ARHGAP24: variants seen among roughly 807,000 people sequenced by gnomAD.
ARHGAP24 encodes the protein rho GTPase-activating protein 24.
ARHGAP24 carries 50 observed loss-of-function variants against 76.4 expected under a neutral mutation model. The ratio of observed to expected loss-of-function variants is 0.65; its 90% CI spans 0.52 to 0.83. ARHGAP24 has a LOEUF of 0.83. Among genes scored for constraint, ARHGAP24 ranks in the 40% least tolerant of loss-of-function variants. The probability of loss-of-function intolerance (pLI) is 0.00; values close to 1 mark genes in which losing one functional copy is unlikely to be tolerated. For missense variants in ARHGAP24, 930 were observed against 914.2 expected (o/e 1.02, Z -0.22); for synonymous variants, 345 against 323.3 (o/e 1.07, Z -0.72).
intron 3 of ARHGAP24, among the ~76,000 whole-genome samples, chr4:85,829,652 T>C (rs1378944777): frequency 6.6e-6 from 1 of 152,248 alleles, no homozygotes; most frequent in Non-Finnish European, 1.5e-5. Context: ...CTTTTCATGA[T>C]GTAAAATTTG....
At chr4:85,496,043 G>C (rs1723569601) in intron 1 of ARHGAP24, among the ~76,000 whole-genome samples, 1 of 152,208 alleles carries the variant, frequency 6.6e-6, no homozygotes, top group African/African-American at 2.4e-5. Flanking sequence ...ATCATAAATA[G>C]AATAGCGAAC....
intron 2 of ARHGAP24, among the ~76,000 whole-genome samples, chr4:85,711,424 T>C (rs1160893619): frequency 1.3e-5 from 2 of 152,210 alleles, no homozygotes; most frequent in African/African-American, 4.8e-5. Context: ...TTGTGAAATA[T>C]GTTGTTTTCT....
chr4:85,873,590 G>A (rs538352771), intron 3 of ARHGAP24, among the ~76,000 whole-genome samples: 4 of 152,274 alleles, frequency 2.6e-5, no homozygotes, highest in Admixed American at 2.0e-4. Flanking sequence ...ATGTTGCCAT[G>A]GGTGTTCAGA....
chr4:85,602,451 G>T (rs1223214987), intron 2 of ARHGAP24, among the ~76,000 whole-genome samples: 1 of 152,144 alleles, frequency 6.6e-6, no homozygotes, highest in Admixed American at 6.6e-5. Context: ...AATCAATAAA[G>T]CATAATTCTG....
intron 8 of ARHGAP24, among the ~76,000 whole-genome samples, chr4:85,992,631 TA>T (rs1740403427): frequency 6.6e-6 from 1 of 152,128 alleles, no homozygotes; most frequent in African/African-American, 2.4e-5. Context: ...GGGCAAATAG[TA>T]AAATAGCATT....
At position 85,831,980 on chromosome 4, in the gene ARHGAP24, T is replaced by C. The variant is rs563467875; in HGVS notation, c.269-91668T>C. 7.2e-5 allele frequency among the ~76,000 whole-genome samples: 11 copies of C among 152,264 alleles called. 1 individual carries two copies. Among genetic ancestry groups the C allele is most frequent in the Middle Eastern group, 3.4e-3 (1 of 294 alleles). On this transcript the variant is annotated intron_variant, in intron 3 of 9. Transcript: ENST00000395184. ...CTGTATTTTTAAACGTAGGTTTTAT[T>C]ATTTTTCAGGAATTGTGGGGCCAAT...
At chr4:85,551,083 G>C (rs1287630359) in intron 1 of ARHGAP24, among the ~76,000 whole-genome samples, 4 of 152,164 alleles carry the variant, frequency 2.6e-5, no homozygotes, top group African/African-American at 9.7e-5. Flanking sequence ...GGAGTGGTGA[G>C]AGAGGGCATC....
intron 3 of ARHGAP24, among the ~76,000 whole-genome samples, chr4:85,753,782 T>C (rs1403617295): frequency 6.6e-6 from 1 of 152,196 alleles, no homozygotes; most frequent in Non-Finnish European, 1.5e-5. Context: ...AATTGATATA[T>C]CATAATTGTG....
chr4:85,570,414 C>A, intron 1 of ARHGAP24, 108 bp from the exon 2 acceptor site: 1 of 234,542 alleles, frequency 4.3e-6, no homozygotes, highest in Non-Finnish European at 6.8e-6. Flanking sequence ...TTCTTTCTTT[C>A]TTTCCTCTCT....
At chr4:85,824,685 C>CGGATCTT (rs1729630250) in intron 3 of ARHGAP24, among the ~76,000 whole-genome samples, 1 of 151,376 alleles carries the variant, frequency 6.6e-6, no homozygotes, top group Non-Finnish European at 1.5e-5. Flanking sequence ...TCTTAAAATC[C>CGGATCTT]AAGAGGAAAA....
chr4:85,965,795 A>C (rs1400335969), intron 5 of ARHGAP24, among the ~76,000 whole-genome samples: 1 of 152,146 alleles, frequency 6.6e-6, no homozygotes, highest in Non-Finnish European at 1.5e-5. Context: ...CTTGTTTTCT[A>C]TATCACATTG....
At chr4:85,655,610 T>C (rs4286512) in intron 2 of ARHGAP24, among the ~76,000 whole-genome samples, 58,823 of 150,954 alleles carry the variant, frequency 0.39, 12,961 homozygotes, top group East Asian at 0.84. Context: ...GGTGAAACTC[T>C]GTCTCTACTA....
intron 3 of ARHGAP24, among the ~76,000 whole-genome samples, chr4:85,731,482 T>C (rs1220303221): frequency 6.6e-6 from 1 of 152,240 alleles, no homozygotes; most frequent in Non-Finnish European, 1.5e-5. Context: ...TGCAGTTTTA[T>C]CATCTATGGA....
intron 3 of ARHGAP24, among the ~76,000 whole-genome samples, chr4:85,805,656 C>T (rs1004334217): frequency 6.6e-6 from 1 of 152,148 alleles, no homozygotes; most frequent in African/African-American, 2.4e-5. Flanking sequence ...GCTTGAAATA[C>T]TTTGCTCAGG....
chr4:85,960,863 C>T (rs1738203300), intron 5 of ARHGAP24, among the ~76,000 whole-genome samples: 1 of 152,118 alleles, frequency 6.6e-6, no homozygotes, highest in African/African-American at 2.4e-5. Flanking sequence ...AGTTCTAAGT[C>T]AGGACCAGTA....
At chr4:85,697,785 C>T (rs535697276) in intron 2 of ARHGAP24, among the ~76,000 whole-genome samples, 11 of 152,182 alleles carry the variant, frequency 7.2e-5, no homozygotes, top group African/African-American at 2.6e-4. Context: ...GAAGTGGAAA[C>T]GGATGTTTCT....
intron 2 of ARHGAP24, among the ~76,000 whole-genome samples, chr4:85,594,271 A>C (rs1728227243): frequency 6.6e-6 from 1 of 152,054 alleles, no homozygotes; most frequent in Non-Finnish European, 1.5e-5. Context: ...TGGCATACAG[A>C]AACAGAACTG....
At chr4:85,486,008 G>A (rs923208644) in intron 1 of ARHGAP24, among the ~76,000 whole-genome samples, 4 of 152,070 alleles carry the variant, frequency 2.6e-5, no homozygotes, top group Admixed American at 1.3e-4. Context: ...CAAAGTGCTG[G>A]GATTACAGGC....
At chr4:85,964,321 T>C (rs1248499624) in intron 5 of ARHGAP24, among the ~76,000 whole-genome samples, 2 of 152,144 alleles carry the variant, frequency 1.3e-5, no homozygotes. Flanking sequence ...GAAACAATTT[T>C]ACACAAGGGG....
Sources: allele counts gnomAD v4.1 joint callset (sites outside exome capture counted in the v4.1 genomes callset), GRCh38; gene constraint gnomAD v4.1.1; transcripts MANE v1.5; gene names NCBI Gene and HGNC (gene_info 2026-07-23, HGNC 2026-07-21).